ULK1: variants seen among roughly 807,000 people sequenced by gnomAD.
The protein encoded by ULK1 is serine/threonine-protein kinase ULK1.
ULK1 carries 48 observed loss-of-function variants against 117.5 expected under a neutral mutation model. That is an observed-to-expected ratio of 0.41 (90% CI 0.32 to 0.52). The LOEUF is 0.52. Among genes scored for constraint, ULK1 ranks in the 20% least tolerant of loss-of-function variants. ULK1 has a pLI of 0.29. For missense variants in ULK1, 1,387 were observed against 1,473.4 expected, an observed-to-expected ratio of 0.94 and a Z score of 0.96; for synonymous variants, 790 against 637.8, an observed-to-expected ratio of 1.24 and a Z score of -3.60.
intron 3 of ULK1, chr12:131,898,130 C>G (rs1888949899): frequency 6.6e-6 from 1 of 152,254 alleles, no homozygotes; most frequent in Non-Finnish European, 1.5e-5. Flanking sequence ...GTTGGAGGAG[C>G]CATCGTGGAG....
At chr12:131,914,533 C>A (rs1218614138) in intron 16 of ULK1, 56 bp downstream of exon 16, 6 of 1,572,370 alleles carry the variant, frequency 3.8e-6, no homozygotes, top group Non-Finnish European at 5.2e-6. Context: ...GTGGCAGGAG[C>A]CCTTCCACGG....
Position 131,910,151 on chromosome 12 carries a change from C to A in ULK1, c.809-103C>A, listed in dbSNP as rs1040950785. On this transcript the variant is annotated intron_variant, in intron 10 of 27. Coordinates refer to ENST00000321867, the MANE Select transcript of ULK1 (RefSeq NM_003565.4). ...CGCAGGCAGGGGCTCCACCTCCGCC[C>A]GGGCAGGTGCCCAACGCGGCTGGAG... The A allele has an allele frequency of 8.9e-6, 14 of 1,570,782 alleles. No homozygotes were observed. The African/African-American group carries it at 1.6e-4, about 18-fold the overall frequency.
At chr12:131,912,645 A>G (rs907194663) in intron 13 of ULK1, among the ~76,000 whole-genome samples, 1 of 152,234 alleles carries the variant, frequency 6.6e-6, no homozygotes, top group African/African-American at 2.4e-5. Context: ...TGCCAGGGAC[A>G]CAATGACTCA....
chr12:131,921,358 C>T lies in ULK1; in HGVS notation c.3150C>T (p.Ala1050=), dbSNP rs747704891. The T allele has an allele frequency of 6.2e-7, 1 of 1,603,602 alleles. No homozygotes were observed. The highest frequency in any genetic ancestry group is 1.1e-5 in the South Asian group (1 of 91,086). ...RLSALLTGIC[A] is the part of the protein sequence containing the mutation. ...CGGCGCTGCTGACTGGCATCTGTGC[C>T]TGACCTTTCTGGCCTGGCTGGGCCC... The change falls in exon 28 of 28, where the codon GCC becomes GCT. Residue 1050 remains alanine (A), a synonymous_variant. Coordinates refer to ENST00000321867, the MANE Select transcript of ULK1 (RefSeq NM_003565.4).
At chr12:131,895,942 C>T in intron 3 of ULK1, 118 bp downstream of exon 3, 2 of 1,302,688 alleles carry the variant, frequency 1.5e-6, no homozygotes, top group Admixed American at 1.8e-5. Context: ...TACTGGGCCC[C>T]TGGAGACTCC....
intron 13 of ULK1, 131 bp downstream of exon 13, chr12:131,912,220 G>C (rs958847843): frequency 2.2e-6 from 3 of 1,373,434 alleles, no homozygotes; most frequent in Admixed American, 5.3e-5. Flanking sequence ...GGGAGCCACC[G>C]GCATCGGCCC....
intron 1 of ULK1, 80 bp downstream of exon 1, chr12:131,895,192 C>A: frequency 1.0e-6 from 1 of 999,618 alleles, no homozygotes; most frequent in Non-Finnish European, 1.3e-6. Flanking sequence ...CCCCGCCTGT[C>A]CCGGGACCCC....
rs202163351 is a variant in ULK1, at chr12:131,919,188, C to T, written c.2512-24C>T. ...CCTTCCAAGCCCGGGCAGCACTTGC[C>T]GCCCTGACGGCCGCTTCCTGCAGCA... is the stretch of plus-strand genomic sequence containing the variant. On this transcript the variant is annotated intron_variant, in intron 23 of 27. Transcript: ENST00000321867. 1.0e-3 allele frequency: 1,599 copies of T among 1,578,536 alleles called. 6 individuals are homozygous for T. Among genetic ancestry groups the T allele is most frequent in the Non-Finnish European group, 1.3e-3 (1,465 of 1,168,932 alleles).
At chr12:131,910,990 C>T (rs1889510537) in intron 12 of ULK1, among the ~76,000 whole-genome samples, 190 bp downstream of exon 12, 1 of 152,246 alleles carries the variant, frequency 6.6e-6, no homozygotes, top group Admixed American at 6.5e-5. Context: ...ACACCCACAG[C>T]CCTCAGGTCC....
At chr12:131,905,166 C>T (rs1186214105) in intron 3 of ULK1, among the ~76,000 whole-genome samples, 4 of 152,176 alleles carry the variant, frequency 2.6e-5, no homozygotes, top group African/African-American at 9.7e-5. Flanking sequence ...GGGGTTGCTG[C>T]CTGAGCACCA....
intron 10 of ULK1, 65 bp downstream of exon 10, chr12:131,910,066 G>A (rs1889465319): frequency 5.0e-6 from 8 of 1,592,292 alleles, no homozygotes; most frequent in Non-Finnish European, 6.0e-6. Flanking sequence ...GCTGATGTGA[G>A]CAGGGCCCAC....
At position 131,908,883 on chromosome 12, in the gene ULK1, G is replaced by A. The variant is rs1215499109; in HGVS notation, c.491-15G>A. The A allele has an allele frequency of 3.7e-6, 6 of 1,609,520 alleles. No homozygotes were observed. Among genetic ancestry groups the A allele is most frequent in the Non-Finnish European group, 5.1e-6 (6 of 1,179,620 alleles). On this transcript the variant is annotated splice_polypyrimidine_tract_variant and intron_variant, in intron 6 of 27. Coordinates refer to ENST00000321867, the MANE Select transcript of ULK1 (RefSeq NM_003565.4). ...CTCCGGGGCCGGCGCCGGTCCTGACGCTTCTCTCCCGCAGCTGACTTCGGC... is the reference window on the plus strand; with the variant it reads ...CTCCGGGGCCGGCGCCGGTCCTGACACTTCTCTCCCGCAGCTGACTTCGGC...
At chr12:131,913,899 T>C (rs1280524734) in intron 15 of ULK1, 63 bp downstream of exon 15, 4 of 1,356,738 alleles carry the variant, frequency 2.9e-6, no homozygotes, top group East Asian at 2.8e-5. Context: ...GAGGTTGGGC[T>C]TCCTGTGTGT....
intron 2 of ULK1, 21 bp downstream of exon 2, chr12:131,895,714 G>GGGGCGT (rs553554266): frequency 2.6e-5 from 42 of 1,614,060 alleles, no homozygotes; most frequent in Middle Eastern, 1.6e-4. Flanking sequence ...GCTGGGGGAG[G>GGGGCGT]GGGCGTGGGC....
intron 3 of ULK1, chr12:131,898,320 G>C (rs1355035899): frequency 6.6e-6 from 1 of 152,174 alleles, no homozygotes; most frequent in African/African-American, 2.4e-5. Flanking sequence ...CCTTGGGTAG[G>C]AGGGATGCTG....
intron 25 of ULK1, 73 bp from the exon 26 acceptor site, chr12:131,919,906 G>A (rs1220911767): frequency 1.8e-5 from 28 of 1,565,382 alleles, no homozygotes; most frequent in Non-Finnish European, 2.1e-5. Context: ...TCAGTGCACC[G>A]GGCAGATCAT....
Position 131,919,296 on chromosome 12 carries a change from A to T in ULK1, c.2596A>T (p.Ser866Cys). ...HVLEIAALKG[S>C]ASEAAGGPEY... is the part of the protein sequence containing the mutation. ...CCTGGAGATCGCAGCCCTGAAGGGC[A>T]GCGCCAGTGAGGCGGCGGGGGGCCC... Residue 866 changes from serine (S) to cysteine (C), a missense_variant, in exon 24 of 28, where the codon AGC becomes TGC. Ser to Cys is a moderately radical substitution (Grantham distance 112). Coordinates refer to ENST00000321867, the MANE Select transcript of ULK1 (RefSeq NM_003565.4). 6.3e-7 allele frequency: 1 copy of T among 1,595,360 alleles called. No homozygotes were observed.
intron 3 of ULK1, among the ~76,000 whole-genome samples, chr12:131,905,178 C>T (rs1889225747): frequency 6.6e-6 from 1 of 152,146 alleles, no homozygotes; most frequent in South Asian, 2.1e-4. Context: ...TGAGCACCAT[C>T]GGCCTTAGCC....
intron 19 of ULK1, 81 bp from the exon 20 acceptor site, chr12:131,916,317 G>A (rs1055565845): frequency 4.6e-6 from 7 of 1,518,956 alleles, no homozygotes; most frequent in Admixed American, 4.4e-5. Flanking sequence ...CAGTTCCTGC[G>A]GACTCGGCCC....
Sources: gnomAD v4.1 joint callset for allele counts (sites outside exome capture counted in the v4.1 genomes callset) on GRCh38, gnomAD v4.1.1 for gene constraint, MANE v1.5 for transcripts, NCBI Gene and HGNC (gene_info 2026-07-23, HGNC 2026-07-21) for gene names.